ANKRD11: variants seen among roughly 807,000 people sequenced by gnomAD.
The protein encoded by ANKRD11 is ankyrin repeat domain-containing protein 11.
Under a neutral mutation model 195.7 loss-of-function variants are expected in ANKRD11, and 17 were observed. That is an observed-to-expected ratio of 0.09 (90% confidence interval 0.06 to 0.13). ANKRD11 has a LOEUF of 0.13. Ranked by LOEUF, ANKRD11 falls within the 10% of genes least tolerant of loss-of-function variation. The pLI is 1.00. For synonymous variants in ANKRD11, 1,953 were observed against 1,528.1 expected, an observed-to-expected ratio of 1.28 and a Z score of -6.49; for missense variants, 3,735 against 3,566.1, an observed-to-expected ratio of 1.05 and a Z score of -1.21.
chr16:89,324,153 C>T (rs1448284984), intron 2 of ANKRD11: 1 of 1,028,094 alleles, frequency 9.7e-7, no homozygotes, highest in East Asian at 6.5e-5. Flanking sequence ...GCCCTGTTTC[C>T]ACTCACATTT....
chr16:89,423,916 T>C (rs1265229010), intron 1 of ANKRD11, among the ~76,000 whole-genome samples: 1 of 151,940 alleles, frequency 6.6e-6, no homozygotes, highest in African/African-American at 2.4e-5. Flanking sequence ...AGTTTCAGTA[T>C]TGGGAAATCA....
intron 7 of ANKRD11, chr16:89,286,824 C>A: frequency 7.8e-7 from 1 of 1,287,262 alleles, no homozygotes; most frequent in Non-Finnish European, 1.0e-6. Flanking sequence ...TTCCTATGCC[C>A]AGAACAGCAA....
chr16:89,426,600 C>T (rs997978737), intron 1 of ANKRD11, among the ~76,000 whole-genome samples: 1 of 150,392 alleles, frequency 6.6e-6, no homozygotes, highest in African/African-American at 2.5e-5. Context: ...AGACATAAGA[C>T]CAACCTTTCA....
At chr16:89,441,653 G>C (rs2043488738) in intron 1 of ANKRD11, among the ~76,000 whole-genome samples, 1 of 151,106 alleles carries the variant, frequency 6.6e-6, no homozygotes, top group Non-Finnish European at 1.5e-5. Flanking sequence ...TGCAGTCCCA[G>C]CTACTCGGGA....
chr16:89,383,873 G>C (rs775093954), intron 2 of ANKRD11, among the ~76,000 whole-genome samples: 3 of 152,186 alleles, frequency 2.0e-5, no homozygotes, highest in Non-Finnish European at 4.4e-5. Flanking sequence ...CCAAGCTCCA[G>C]TCATACCTCT....
rs59621400 is a variant in ANKRD11 at position 89,349,134 on chromosome 16, T to TAAAAAAAAAAAAAAA, written c.-59-32071_-59-32057dup. On this transcript the variant is annotated intron_variant, in intron 2 of 12. Transcript: ENST00000301030. ...CAGAGTAAAACACTGTCTCAAAAAG[T>TAAAAAAAAAAAAAAA]AAAAAAAAAAAAAAAAAAAAAAAAA... is the stretch of plus-strand genomic sequence containing the variant. 4.1e-3 allele frequency among the ~76,000 whole-genome samples: 68 copies of TAAAAAAAAAAAAAAA among 16,572 alleles called. 2 individuals carry two copies. Among genetic ancestry groups the TAAAAAAAAAAAAAAA allele is most frequent in the African/African-American group, 4.5e-3 (16 of 3,566 alleles). 10.9% of individuals were successfully genotyped at this position (16,572 alleles called of 152,430 possible).
chr16:89,407,141 T>C (rs1294979683), intron 2 of ANKRD11, among the ~76,000 whole-genome samples: 2 of 151,472 alleles, frequency 1.3e-5, no homozygotes, highest in African/African-American at 4.9e-5. Context: ...AGTTGAGACG[T>C]GCCACTGCAC....
intron 11 of ANKRD11, among the ~76,000 whole-genome samples, chr16:89,273,784 A>C (rs770878853): frequency 7.9e-5 from 12 of 152,222 alleles, no homozygotes; most frequent in Non-Finnish European, 1.3e-4. Flanking sequence ...TCTTTAATGC[A>C]CAAAGAGATG....
intron 3 of ANKRD11, 86 bp from the exon 4 acceptor site, chr16:89,305,430 C>T (rs748571049): frequency 3.2e-6 from 5 of 1,584,382 alleles, no homozygotes; most frequent in Non-Finnish European, 4.3e-6. Flanking sequence ...CCAGGAGAAG[C>T]GCATCTCTTA....
intron 2 of ANKRD11, among the ~76,000 whole-genome samples, chr16:89,318,339 C>A (rs1377451881): frequency 6.6e-6 from 1 of 152,234 alleles, no homozygotes; most frequent in Non-Finnish European, 1.5e-5. Flanking sequence ...CACACCTACA[C>A]ACCCACACCC....
intron 2 of ANKRD11, among the ~76,000 whole-genome samples, chr16:89,346,271 G>T (rs376983439): frequency 9.5e-6 from 1 of 105,744 alleles, no homozygotes; most frequent in Non-Finnish European, 2.1e-5. Context: ...AAAAAAAAAA[G>T]AATCAACACA....
At chr16:89,387,394 C>T (rs541561092) in intron 2 of ANKRD11, among the ~76,000 whole-genome samples, 6 of 152,080 alleles carry the variant, frequency 3.9e-5, no homozygotes, top group African/African-American at 7.2e-5. Context: ...GTGCTTGGGC[C>T]GGGCGCGGTG....
At chr16:89,464,706 C>A (rs2056824295) in intron 1 of ANKRD11, among the ~76,000 whole-genome samples, 1 of 151,234 alleles carries the variant, frequency 6.6e-6, no homozygotes, top group African/African-American at 2.4e-5. Context: ...CAATAGTTGA[C>A]CAGAATTAAG....
intron 2 of ANKRD11, among the ~76,000 whole-genome samples, chr16:89,345,245 GC>G (rs1410557302): frequency 2.0e-5 from 3 of 146,892 alleles, no homozygotes; most frequent in Non-Finnish European, 4.5e-5. Context: ...CATATTACAA[GC>G]CCCCCCTCCC....
At chr16:89,447,462 G>A (rs188657572) in intron 1 of ANKRD11, among the ~76,000 whole-genome samples, 1 of 152,230 alleles carries the variant, frequency 6.6e-6, no homozygotes, top group Admixed American at 6.5e-5. Context: ...GGGTCCTCAT[G>A]ATCCCATCCA....
chr16:89,308,768 T>C (rs1341451749), intron 3 of ANKRD11, among the ~76,000 whole-genome samples: 1 of 152,100 alleles, frequency 6.6e-6, no homozygotes, highest in Non-Finnish European at 1.5e-5. Context: ...AATTCTAGAA[T>C]ACAAATGGAA....
intron 2 of ANKRD11, among the ~76,000 whole-genome samples, chr16:89,353,187 C>G (rs1157882104): frequency 1.3e-5 from 2 of 151,940 alleles, no homozygotes; most frequent in Non-Finnish European, 2.9e-5. Flanking sequence ...ACTAAAAATA[C>G]AAAAATTAGC....
chr16:89,484,969 CT>C (rs1431441789), intron 1 of ANKRD11, among the ~76,000 whole-genome samples: 2 of 152,140 alleles, frequency 1.3e-5, no homozygotes, highest in Non-Finnish European at 1.5e-5. Context: ...CACAAGGACG[CT>C]GTAACTGAGA....
intron 2 of ANKRD11, among the ~76,000 whole-genome samples, chr16:89,346,844 C>T (rs2038963374): frequency 2.6e-5 from 4 of 152,104 alleles, no homozygotes; most frequent in East Asian, 1.9e-4. Context: ...GAGAAATGTA[C>T]AAACATAAAC....
Sources: gnomAD v4.1 joint callset for allele counts (sites outside exome capture counted in the v4.1 genomes callset) on GRCh38, gnomAD v4.1.1 for gene constraint, MANE v1.5 for transcripts, NCBI Gene and HGNC (gene_info 2026-07-23, HGNC 2026-07-21) for gene names.